Variants in COL25A1 observed in about 807,000 individuals in gnomAD.
The protein encoded by COL25A1 is collagen alpha-1(XXV) chain.
In COL25A1, 103 loss-of-function variants were observed where a neutral mutation model predicts 128.4. The observed-to-expected ratio is 0.80, with a 90% confidence interval of 0.68 to 0.94. The LOEUF is 0.94. Among genes scored for constraint, COL25A1 ranks in the 40% least tolerant of loss-of-function variants. The probability of loss-of-function intolerance (pLI) is 0.00; values close to 1 mark genes in which losing one functional copy is unlikely to be tolerated. For synonymous variants in COL25A1, 279 were observed against 277.2 expected, an observed-to-expected ratio of 1.01 and a Z score of -0.06; for missense variants, 745 against 840.0, an observed-to-expected ratio of 0.89 and a Z score of 1.40.
intron 35 of COL25A1, among the ~76,000 whole-genome samples, chr4:108,822,887 C>T (rs191793607): frequency 2.0e-5 from 3 of 152,216 alleles, no homozygotes; most frequent in Non-Finnish European, 2.9e-5. Flanking sequence ...ATGCCAACTT[C>T]GGGGGTTGTT....
At chr4:109,054,557 T>C (rs1761289364) in intron 3 of COL25A1, among the ~76,000 whole-genome samples, 1 of 152,188 alleles carries the variant, frequency 6.6e-6, no homozygotes, top group South Asian at 2.1e-4. Context: ...TCTAAAATAG[T>C]AAGATTTTGA....
chr4:109,034,579 C>G (rs894091175), intron 5 of COL25A1, among the ~76,000 whole-genome samples: 4 of 152,148 alleles, frequency 2.6e-5, no homozygotes, highest in African/African-American at 7.2e-5. Flanking sequence ...AAATGATGAC[C>G]TAGCTTGGAC....
At chr4:108,929,896 C>T (rs1171621701) in intron 11 of COL25A1, among the ~76,000 whole-genome samples, 2 of 152,100 alleles carry the variant, frequency 1.3e-5, no homozygotes, top group African/African-American at 4.8e-5. Context: ...ATTTATCCTA[C>T]CCAATCCTAC....
At chr4:108,994,562 G>A (rs1341806658) in intron 6 of COL25A1, among the ~76,000 whole-genome samples, 1 of 152,224 alleles carries the variant, frequency 6.6e-6, no homozygotes, top group African/African-American at 2.4e-5. Flanking sequence ...GCAGCAGACA[G>A]CTTCTACAGA....
intron 35 of COL25A1, among the ~76,000 whole-genome samples, chr4:108,822,060 T>G (rs958378651): frequency 1.2e-4 from 16 of 131,608 alleles, no homozygotes; most frequent in African/African-American, 3.4e-4. Context: ...TTTTTTTTTT[T>G]GGGACAGGGT....
At chr4:109,149,952 G>A (rs6823174) in intron 3 of COL25A1, among the ~76,000 whole-genome samples, 7 of 151,756 alleles carry the variant, frequency 4.6e-5, no homozygotes, top group Admixed American at 4.6e-4. Context: ...ATGTGTGTGT[G>A]TGTGTGTACC....
intron 34 of COL25A1, among the ~76,000 whole-genome samples, 172 bp downstream of exon 34, chr4:108,825,019 CTGTTT>C (rs1426461884): frequency 1.3e-5 from 2 of 151,860 alleles, no homozygotes; most frequent in African/African-American, 4.8e-5. Flanking sequence ...TTTTGCTTTT[CTGTTT>C]TATCTCATGC....
chr4:109,078,539 C>T (rs1253155190), intron 3 of COL25A1, among the ~76,000 whole-genome samples: 7 of 152,270 alleles, frequency 4.6e-5, no homozygotes, highest in African/African-American at 1.4e-4. Context: ...TACCATAAAG[C>T]TGCTTTTCAC....
chr4:108,824,771 A>G (rs556042787), intron 34 of COL25A1, among the ~76,000 whole-genome samples: 3 of 152,338 alleles, frequency 2.0e-5, no homozygotes, highest in Admixed American at 6.5e-5. Context: ...ACAGAATCAT[A>G]TTAGCATAAG....
chr4:109,042,496 T>C (rs1314460646), intron 5 of COL25A1, among the ~76,000 whole-genome samples: 1 of 152,014 alleles, frequency 6.6e-6, no homozygotes, highest in Non-Finnish European at 1.5e-5. Flanking sequence ...TTCTATGGTT[T>C]GTTATGGTGA....
intron 26 of COL25A1, 51 bp downstream of exon 26, chr4:108,852,185 G>C (rs1271351202): frequency 3.7e-6 from 5 of 1,361,588 alleles, no homozygotes; most frequent in Non-Finnish European, 4.2e-6. Context: ...ACTTAATACG[G>C]TATTCCCTGC....
intron 3 of COL25A1, among the ~76,000 whole-genome samples, chr4:109,112,184 A>C (rs1196634432): frequency 6.6e-6 from 1 of 152,134 alleles, no homozygotes; most frequent in East Asian, 1.9e-4. Flanking sequence ...CCTATCAATA[A>C]ACATGGTTAA....
At chr4:109,252,546 T>C (rs1486725519) in intron 3 of COL25A1, among the ~76,000 whole-genome samples, 1 of 152,348 alleles carries the variant, frequency 6.6e-6, no homozygotes, top group African/African-American at 2.4e-5. Flanking sequence ...TTGGTGAGCA[T>C]TCACATAAAG....
chr4:108,995,698 A>T, intron 6 of COL25A1, among the ~76,000 whole-genome samples: 1 of 152,200 alleles, frequency 6.6e-6, no homozygotes. Context: ...GAACGAAAAA[A>T]TGTTAAGGGC....
chr4:109,232,383 T>C (rs1002630255), intron 3 of COL25A1, among the ~76,000 whole-genome samples: 2 of 152,196 alleles, frequency 1.3e-5, no homozygotes, highest in African/African-American at 2.4e-5. Flanking sequence ...AATGAGAAAA[T>C]ACTGATGATG....
At chr4:109,222,059 CTTTTTTTTTTTT>C (rs3041336) in intron 3 of COL25A1, among the ~76,000 whole-genome samples, 4 of 85,764 alleles carry the variant, frequency 4.7e-5, no homozygotes, top group Non-Finnish European at 8.2e-5. Flanking sequence ...TAAATAACTT[CTTTTTTTTTTTT>C]TTTTTTTTTT....
At chr4:109,006,932 C>T (rs551922302) in intron 6 of COL25A1, among the ~76,000 whole-genome samples, 10 of 152,194 alleles carry the variant, frequency 6.6e-5, no homozygotes, top group South Asian at 2.1e-4. Flanking sequence ...GAAAGAGCAT[C>T]GGGAAGAATA....
intron 19 of COL25A1, among the ~76,000 whole-genome samples, chr4:108,875,635 A>G (rs1265663900): frequency 6.6e-6 from 1 of 152,216 alleles, no homozygotes; most frequent in Non-Finnish European, 1.5e-5. Flanking sequence ...TGGTTCAACC[A>G]TTGTGGAAGA....
At chr4:109,152,095 T>TAAAA (rs57253376) in intron 3 of COL25A1, among the ~76,000 whole-genome samples, 2 of 142,894 alleles carry the variant, frequency 1.4e-5, no homozygotes, top group East Asian at 4.0e-4. Context: ...GACTTTTTAA[T>TAAAA]AAAAAAAAAA....
Sources: allele counts gnomAD v4.1 joint callset (sites outside exome capture counted in the v4.1 genomes callset), GRCh38; gene constraint gnomAD v4.1.1; transcripts MANE v1.5; gene names NCBI Gene and HGNC (gene_info 2026-07-23, HGNC 2026-07-21).